SPHKAP: variants seen among roughly 807,000 people sequenced by gnomAD.
SPHKAP encodes the protein SPHK1 interactor, AKAP domain containing.
SPHKAP carries 67 observed loss-of-function variants against 137.5 expected under a neutral mutation model. That is an observed-to-expected ratio of 0.49 (90% CI 0.40 to 0.60). The LOEUF is 0.60. SPHKAP is among the 20% of genes least tolerant of loss of function. The probability of loss-of-function intolerance (pLI) is 0.00; values close to 1 mark genes in which losing one functional copy is unlikely to be tolerated. For synonymous variants in SPHKAP, 813 were observed against 785.3 expected (o/e 1.04, Z -0.59); for missense variants, 2,097 against 2,069.3 (o/e 1.01, Z -0.26).
At chr2:228,049,475 T>C (rs1696177411) in intron 3 of SPHKAP, among the ~76,000 whole-genome samples, 1 of 152,236 alleles carries the variant, frequency 6.6e-6, no homozygotes, top group African/African-American at 2.4e-5. Flanking sequence ...AATGAGGTTT[T>C]TAGCACTTCA....
At chr2:228,053,175 G>A (rs1006737807) in intron 3 of SPHKAP, among the ~76,000 whole-genome samples, 2 of 151,880 alleles carry the variant, frequency 1.3e-5, no homozygotes, top group African/African-American at 2.4e-5. Context: ...TCTTCCCCCT[G>A]GTGTCTCTTC....
chr2:228,109,486 T>C, intron 2 of SPHKAP: 1 of 591,040 alleles, frequency 1.7e-6, no homozygotes, highest in Non-Finnish European at 2.1e-6. Flanking sequence ...TTAAATACCA[T>C]TTGCCATTTA....
At chr2:228,076,273 T>G (rs1425774439) in intron 3 of SPHKAP, among the ~76,000 whole-genome samples, 1 of 152,136 alleles carries the variant, frequency 6.6e-6, no homozygotes, top group African/African-American at 2.4e-5. Context: ...ACTAATACAG[T>G]AAATTGTTAC....
chr2:228,082,694 C>G (rs1379470716), intron 3 of SPHKAP, among the ~76,000 whole-genome samples: 3 of 152,086 alleles, frequency 2.0e-5, no homozygotes, highest in Non-Finnish European at 4.4e-5. Context: ...CACTGGACCC[C>G]TGGGTGGATT....
At chr2:228,159,776 C>T (rs1298233005) in intron 1 of SPHKAP, among the ~76,000 whole-genome samples, 1 of 152,122 alleles carries the variant, frequency 6.6e-6, no homozygotes, top group Non-Finnish European at 1.5e-5. Context: ...CAAGCCCTTC[C>T]CTTCGTCTCT....
At chr2:228,158,989 C>T (rs1700193604) in intron 1 of SPHKAP, among the ~76,000 whole-genome samples, 1 of 152,132 alleles carries the variant, frequency 6.6e-6, no homozygotes, top group Non-Finnish European at 1.5e-5. Context: ...TGAATGGATT[C>T]AGTCCGTCCT....
intron 3 of SPHKAP, among the ~76,000 whole-genome samples, chr2:228,060,626 G>A (rs1696601218): frequency 6.6e-6 from 1 of 152,154 alleles, no homozygotes; most frequent in South Asian, 2.1e-4. Flanking sequence ...TTAGTGATAG[G>A]AAAGTGATAT....
chr2:228,041,646 CAAAAAAAAA>C (rs58570907), intron 3 of SPHKAP, among the ~76,000 whole-genome samples: 22 of 95,918 alleles, frequency 2.3e-4, no homozygotes, highest in Middle Eastern at 5.7e-3. Flanking sequence ...GACTCTGTCT[CAAAAAAAAA>C]AAAAAAAAAA....
In SPHKAP at chr2:228,017,199, A is replaced by G. The variant is rs373264071; in HGVS notation, c.3655T>C (p.Trp1219Arg). ...SASSRRSSQD[W>R]TAGLLSPSLR... The stretch of plus-strand genomic sequence containing the variant: ...GAAGGAGACAGCAGGCCGGCTGTCC[A>G]ATCCTGGCTGCTCCGTCTGGAGGAG... The change falls in exon 7 of 12, where the codon TGG (tryptophan) becomes CGG (arginine). Residue 1219 changes from tryptophan (W) to arginine (R), a missense_variant. By Grantham distance (101) the Trp-to-Arg change is moderately radical (BLOSUM62 -3). Transcript: ENST00000392056. 4.3e-6 allele frequency: 7 copies of G among 1,613,824 alleles called. No homozygotes were observed. In the African/African-American group the frequency reaches 8.0e-5, roughly 18 times the overall value.
chr2:228,109,551 T>C (rs1285091273), intron 2 of SPHKAP: 1 of 161,636 alleles, frequency 6.2e-6, no homozygotes, highest in African/African-American at 2.4e-5. Flanking sequence ...CAAAACCAAA[T>C]ATGACTGACA....
At position 228,141,363 on chromosome 2, in the gene SPHKAP, G is replaced by A. The variant is rs572798313; in HGVS notation, c.33-9278C>T. 1.6e-3 allele frequency among the ~76,000 whole-genome samples: 248 copies of A among 152,262 alleles called. 1 individual carries two copies. The highest frequency in any genetic ancestry group is 0.014 in the South Asian group (70 of 4,828). On this transcript the variant is annotated intron_variant, in intron 1 of 11. Transcript: ENST00000392056. ...GTGCTATTTCCTGTAAAGGAGTCAC[G>A]TAGCACCTAGCACAGGTAATTACTC...
chr2:228,163,703 G>C (rs1700340436), intron 1 of SPHKAP, among the ~76,000 whole-genome samples: 3 of 152,154 alleles, frequency 2.0e-5, no homozygotes, highest in African/African-American at 7.2e-5. Context: ...AGCCCTTTGG[G>C]ATAGTCTGGG....
chr2:227,999,157 C>T (rs1018596040), intron 7 of SPHKAP, among the ~76,000 whole-genome samples: 56 of 152,280 alleles, frequency 3.7e-4, no homozygotes, highest in Non-Finnish European at 2.5e-4. Flanking sequence ...AGGAATTTTA[C>T]AAAAGGCTTT....
At chr2:228,031,042 C>T (rs536319024) in intron 3 of SPHKAP, among the ~76,000 whole-genome samples, 10 of 152,240 alleles carry the variant, frequency 6.6e-5, no homozygotes, top group African/African-American at 1.4e-4. Flanking sequence ...TGCAGCGCAC[C>T]GTGCATGAGC....
chr2:228,060,407 T>C (rs2106285828), intron 3 of SPHKAP, among the ~76,000 whole-genome samples: 2 of 152,296 alleles, frequency 1.3e-5, no homozygotes, highest in African/African-American at 4.8e-5. Flanking sequence ...TTTCCCATAA[T>C]TGCAATAATT....
chr2:228,083,456 CTA>C (rs1316992240), intron 3 of SPHKAP, among the ~76,000 whole-genome samples: 4 of 151,976 alleles, frequency 2.6e-5, no homozygotes, highest in African/African-American at 4.8e-5. Flanking sequence ...AGCTTTTTTT[CTA>C]TGTTTTTTGG....
rs538413163 is a variant in SPHKAP, at chr2:228,037,649, G to A, written c.247-10106C>T. ...AAGCCAGAGCCCAATAACACCTGTGGTCACTCCAATGACTCTCAGTTTGCG... is the reference window on the plus strand; with the variant it reads ...AAGCCAGAGCCCAATAACACCTGTGATCACTCCAATGACTCTCAGTTTGCG... On this transcript the variant is annotated intron_variant, in intron 3 of 11. Coordinates refer to ENST00000392056, the MANE Select transcript of SPHKAP (RefSeq NM_001142644.2). Among the ~76,000 whole-genome samples the A allele has an allele frequency of 3.4e-5, 5 of 146,914 alleles. No individual in the cohort carries two copies. The South Asian group carries it at 1.1e-3, about 31-fold the overall frequency.
intron 3 of SPHKAP, among the ~76,000 whole-genome samples, chr2:228,053,842 C>T (rs1358927499): frequency 1.3e-5 from 2 of 152,158 alleles, no homozygotes; most frequent in East Asian, 3.9e-4. Flanking sequence ...TTTCACATCT[C>T]TCATCCATTG....
chr2:228,140,099 C>T (rs1699556107), intron 1 of SPHKAP, among the ~76,000 whole-genome samples: 1 of 151,734 alleles, frequency 6.6e-6, no homozygotes, highest in South Asian at 2.1e-4. Flanking sequence ...CACCCACCAC[C>T]ATGCCCGGCT....
Sources: allele counts gnomAD v4.1 joint callset (sites outside exome capture counted in the v4.1 genomes callset), GRCh38; gene constraint gnomAD v4.1.1; transcripts MANE v1.5; gene names NCBI Gene and HGNC (gene_info 2026-07-23, HGNC 2026-07-21).